Variants in YPEL2 observed in about 807,000 individuals in gnomAD.
YPEL2 encodes protein yippee-like 2.
A neutral mutation model predicts 19.1 loss-of-function variants in YPEL2; 2 were observed. The ratio of observed to expected loss-of-function variants is 0.10; its 90% CI spans 0.04 to 0.33. YPEL2 has a LOEUF of 0.33. Among genes scored for constraint, YPEL2 ranks in the 10% least tolerant of loss-of-function variants. The probability of loss-of-function intolerance (pLI) is 1.00; values close to 1 mark genes in which losing one functional copy is unlikely to be tolerated. For synonymous variants in YPEL2, 52 were observed against 50.0 expected (o/e 1.04, Z -0.17); for missense variants, 66 against 140.7 (o/e 0.47, Z 2.68).
intron 2 of YPEL2, among the ~76,000 whole-genome samples, chr17:59,382,242 G>GA (rs1243842761): frequency 1.3e-5 from 2 of 152,262 alleles, no homozygotes; most frequent in Non-Finnish European, 2.9e-5. Context: ...GGACAGCCCT[G>GA]AGGGGGTTCA....
chr17:59,339,076 C>T (rs1186958579), intron 1 of YPEL2, among the ~76,000 whole-genome samples: 1 of 151,854 alleles, frequency 6.6e-6, no homozygotes, highest in Admixed American at 6.6e-5. Flanking sequence ...TTTGTGTTGC[C>T]CCTACACGTC....
intron 2 of YPEL2, chr17:59,355,712 A>G (rs2047809561): frequency 6.6e-6 from 1 of 152,170 alleles, no homozygotes; most frequent in South Asian, 2.1e-4. Flanking sequence ...TGATAAATGA[A>G]TAGATGGAGG....
intron 1 of YPEL2, among the ~76,000 whole-genome samples, chr17:59,332,569 C>T (rs768849991): frequency 7.9e-5 from 12 of 152,282 alleles, no homozygotes; most frequent in Middle Eastern, 3.4e-3. Context: ...TGGCCGCCGA[C>T]CTCCTCTGGT....
chr17:59,347,408 T>C (rs2047761756), intron 1 of YPEL2, among the ~76,000 whole-genome samples: 1 of 152,234 alleles, frequency 6.6e-6, no homozygotes, highest in African/African-American at 2.4e-5. Context: ...ATTACCGACA[T>C]GAACCACTGT....
chr17:59,391,997 G>A (rs1480544857), intron 4 of YPEL2, among the ~76,000 whole-genome samples: 1 of 152,160 alleles, frequency 6.6e-6, no homozygotes, highest in Non-Finnish European at 1.5e-5. Context: ...GTTCCTGTGG[G>A]AGAAGCTGGA....
intron 2 of YPEL2, among the ~76,000 whole-genome samples, chr17:59,364,113 T>C (rs2047855714): frequency 6.6e-6 from 1 of 152,206 alleles, no homozygotes; most frequent in South Asian, 2.1e-4. Flanking sequence ...TTATGTATAA[T>C]TGTCTTGCTT....
At chr17:59,365,853 G>T (rs2047866070) in intron 2 of YPEL2, among the ~76,000 whole-genome samples, 1 of 152,116 alleles carries the variant, frequency 6.6e-6, no homozygotes, top group African/African-American at 2.4e-5. Context: ...TCTGCCAGCT[G>T]CCGCTAGAAA....
chr17:59,342,532 A>G (rs944541461), intron 1 of YPEL2, among the ~76,000 whole-genome samples: 2 of 152,168 alleles, frequency 1.3e-5, no homozygotes, highest in Non-Finnish European at 2.9e-5. Context: ...GTTTTTCATT[A>G]TACTTTAAGT....
chr17:59,390,618 A>G (rs1248872635), intron 4 of YPEL2, among the ~76,000 whole-genome samples: 1 of 152,238 alleles, frequency 6.6e-6, no homozygotes, highest in African/African-American at 2.4e-5. Flanking sequence ...TTCATTGTTT[A>G]ACTCAGCAAA....
chr17:59,336,453 A>G (rs1022841583), intron 1 of YPEL2, among the ~76,000 whole-genome samples: 4 of 152,226 alleles, frequency 2.6e-5, no homozygotes, highest in African/African-American at 9.6e-5. Flanking sequence ...AGGAGGCACT[A>G]TATGTGGGGC....
At chr17:59,335,224 G>T (rs554246704) in intron 1 of YPEL2, among the ~76,000 whole-genome samples, 1 of 152,298 alleles carries the variant, frequency 6.6e-6, no homozygotes, top group South Asian at 2.1e-4. Flanking sequence ...GTGAAGTATT[G>T]TACTGCCTGA....
chr17:59,337,410 C>G (rs1187999108), intron 1 of YPEL2, among the ~76,000 whole-genome samples: 1 of 151,862 alleles, frequency 6.6e-6, no homozygotes, highest in Admixed American at 6.6e-5. Context: ...AGGATGGTCT[C>G]GATCTCCTGA....
chr17:59,337,302 C>G (rs1303785220), intron 1 of YPEL2, among the ~76,000 whole-genome samples: 2 of 151,770 alleles, frequency 1.3e-5, no homozygotes, highest in Non-Finnish European at 2.9e-5. Context: ...ATTCTCCTGC[C>G]TCAGCCTCCC....
intron 1 of YPEL2, among the ~76,000 whole-genome samples, chr17:59,349,649 G>C (rs1266829355): frequency 6.6e-6 from 1 of 151,728 alleles, no homozygotes; most frequent in Non-Finnish European, 1.5e-5. Context: ...GCCCCCACAG[G>C]CTGGCCTTTT....
Position 59,394,864 on chromosome 17 carries a change from A to G in YPEL2, c.271-2237A>G, listed in dbSNP as rs529819379. Among the ~76,000 whole-genome samples the G allele has an allele frequency of 1.2e-4, 18 of 152,366 alleles. No individual in the cohort carries two copies. The East Asian group carries it at 3.1e-3, about 26-fold the overall frequency. Reference sequence around the variant, plus strand: ...CACCTCGGGAGGCTGAGGCTGGCGGATCACTCGCGGTTAGGAGCTGGAGAC... The same window carrying G: ...CACCTCGGGAGGCTGAGGCTGGCGGGTCACTCGCGGTTAGGAGCTGGAGAC... On this transcript the variant is annotated intron_variant, in intron 4 of 4. Transcript: ENST00000312655.
intron 2 of YPEL2, among the ~76,000 whole-genome samples, chr17:59,387,564 A>G (rs2047987008): frequency 6.6e-6 from 1 of 152,164 alleles, no homozygotes; most frequent in African/African-American, 2.4e-5. Context: ...GAAGGAAAAC[A>G]TGGACAGGGC....
chr17:59,388,395 C>T, intron 3 of YPEL2, 25 bp downstream of exon 3: 1 of 1,611,826 alleles, frequency 6.2e-7, no homozygotes, highest in Non-Finnish European at 8.5e-7. Context: ...ATGGTACATT[C>T]CTTGTGGGGT....
At position 59,397,239 on chromosome 17, in the gene YPEL2, G is replaced by C. The variant is rs767378887; in HGVS notation, c.*49G>C. ...GTGTCCACGTGAACGCCATTCAACCGAACATTCTTCCCAAGCGTGAGAGAG... is the reference window on the plus strand; with the variant it reads ...GTGTCCACGTGAACGCCATTCAACCCAACATTCTTCCCAAGCGTGAGAGAG... On this transcript the variant is annotated 3_prime_UTR_variant, in exon 5 of 5. Coordinates refer to ENST00000312655, the MANE Select transcript of YPEL2 (RefSeq NM_001005404.4). 9 of 1,437,270 alleles carry C rather than the reference G, an allele frequency of 6.3e-6. No homozygotes were observed. In the Admixed American group the frequency reaches 8.2e-5, roughly 13 times the overall value. 89.0% of individuals were successfully genotyped at this position (1,437,270 alleles called of 1,614,324 possible). A position where few individuals can be genotyped will look rare whatever the true frequency, so the allele number is the denominator to read the frequency against.
At chr17:59,367,537 A>G (rs1203535044) in intron 2 of YPEL2, among the ~76,000 whole-genome samples, 1 of 152,202 alleles carries the variant, frequency 6.6e-6, no homozygotes, top group Non-Finnish European at 1.5e-5. Flanking sequence ...TATTTGCAAA[A>G]CAGGTGAAAG....
Sources: gnomAD v4.1 joint callset for allele counts (sites outside exome capture counted in the v4.1 genomes callset) on GRCh38, gnomAD v4.1.1 for gene constraint, MANE v1.5 for transcripts, NCBI Gene and HGNC (gene_info 2026-07-23, HGNC 2026-07-21) for gene names.